Variants in ATP2B4 observed in about 807,000 individuals in gnomAD.
ATP2B4 encodes the protein plasma membrane calcium-transporting ATPase 4.
A neutral mutation model predicts 110.3 loss-of-function variants in ATP2B4; 39 were observed. The observed-to-expected ratio is 0.35, with a 90% CI of 0.27 to 0.46. The LOEUF (loss-of-function observed/expected upper bound fraction) is 0.46. ATP2B4 is among the 20% of genes least tolerant of loss of function. The pLI is 1.00. For synonymous variants in ATP2B4, 538 were observed against 571.7 expected, an observed-to-expected ratio of 0.94 and a Z score of 0.84; for missense variants, 1,135 against 1,530.9, an observed-to-expected ratio of 0.74 and a Z score of 4.32.
intron 9 of ATP2B4, 41 bp from the exon 10 acceptor site, chr1:203,707,821 A>G (rs1220039124): frequency 6.2e-7 from 1 of 1,608,142 alleles, no homozygotes; most frequent in South Asian, 1.1e-5. Context: ...AGGAGAGTCC[A>G]GTTAGTCCCC....
At chr1:203,658,435 G>A (rs1664231151) in intron 1 of ATP2B4, among the ~76,000 whole-genome samples, 1 of 151,714 alleles carries the variant, frequency 6.6e-6, no homozygotes, top group African/African-American at 2.4e-5. Context: ...GGAGACTGAG[G>A]TGGGAGGATC....
rs368740990 is a variant in ATP2B4, at chr1:203,724,006, C to T, written c.3132+18C>T. Reference sequence around the variant, plus strand: ...GGGGCCAGGTGAGTACCGGCACACCCTCCTGGTGCATTCTCACAGCCTGCA... The same window carrying T: ...GGGGCCAGGTGAGTACCGGCACACCTTCCTGGTGCATTCTCACAGCCTGCA... On this transcript the variant is annotated intron_variant, in intron 19 of 20. Coordinates refer to ENST00000357681, the MANE Select transcript of ATP2B4 (RefSeq NM_001684.5). 1 of 1,586,868 alleles carries T rather than the reference C, an allele frequency of 6.3e-7. No individual in the cohort carries two copies. The highest frequency in any genetic ancestry group is 1.4e-5 in the African/African-American group (1 of 73,912).
intron 1 of ATP2B4, among the ~76,000 whole-genome samples, chr1:203,651,045 G>A (rs1663976054): frequency 6.6e-6 from 1 of 152,108 alleles, no homozygotes; most frequent in Non-Finnish European, 1.5e-5. Flanking sequence ...AAAGTGCTGG[G>A]ATTACAGGCA....
intron 1 of ATP2B4, among the ~76,000 whole-genome samples, chr1:203,660,758 C>T (rs931137890): frequency 6.6e-6 from 1 of 151,662 alleles, no homozygotes; most frequent in Non-Finnish European, 1.5e-5. Context: ...AAGATCGCAC[C>T]ACTGCACTCC....
In ATP2B4 at chr1:203,734,448, C is replaced by T. The variant is rs117973935; in HGVS notation, c.3310-5098C>T. Among the ~76,000 whole-genome samples the T allele has an allele frequency of 7.5e-4, 114 of 152,312 alleles. No homozygotes were observed. In the East Asian group the frequency reaches 0.019, roughly 25 times the overall value. On this transcript the variant is annotated intron_variant, in intron 20 of 20. Transcript: ENST00000357681. ...TCTTGGCTGGGTGCTGTGGCTCACA[C>T]CTGTAATCCCAACTTTAGGAGGCCG...
chr1:203,662,131 C>T (rs570256216), intron 1 of ATP2B4, among the ~76,000 whole-genome samples: 276 of 152,096 alleles, frequency 1.8e-3, no homozygotes, highest in Non-Finnish European at 2.4e-3. Flanking sequence ...TCACACCATT[C>T]TCCTGCCTCA....
rs1485467604 is a variant in ATP2B4 at position 203,690,636 on chromosome 1, C to G, written c.193+7238C>G. On this transcript the variant is annotated intron_variant, in intron 2 of 20. Coordinates refer to ENST00000357681, the MANE Select transcript of ATP2B4 (RefSeq NM_001684.5). ...TCTGGAATATCAATTTTTAGGAGCTCCTCCACTTGAGGTTAGAAGCATAAC... is the reference window on the plus strand; with the variant it reads ...TCTGGAATATCAATTTTTAGGAGCTGCTCCACTTGAGGTTAGAAGCATAAC... 2.6e-5 allele frequency among the ~76,000 whole-genome samples: 4 copies of G among 152,084 alleles called. No individual in the cohort carries two copies. In the South Asian group the frequency reaches 8.3e-4, roughly 32 times the overall value.
At position 203,710,994 on chromosome 1, in the gene ATP2B4, C is replaced by T; in HGVS notation, c.1917C>T (p.Cys639=). 1 of 1,614,082 alleles carries T rather than the reference C, an allele frequency of 6.2e-7. No individual in the cohort carries two copies. The highest frequency in any genetic ancestry group is 8.5e-7 in the Non-Finnish European group (1 of 1,179,992). ...PMACDGLRTI[C]IAYRDFDDTE... is the part of the protein sequence containing the mutation. The stretch of plus-strand genomic sequence containing the variant: ...CCTGTGATGGACTCCGGACTATCTG[C>T]ATAGCTTACCGGGACTTCGATGACA... Residue 639 remains cysteine (C), a synonymous_variant, in exon 12 of 21, where the codon TGC becomes TGT. Coordinates refer to ENST00000357681, the MANE Select transcript of ATP2B4 (RefSeq NM_001684.5).
chr1:203,732,784 C>T (rs1666767863), intron 20 of ATP2B4, among the ~76,000 whole-genome samples: 1 of 149,472 alleles, frequency 6.7e-6, no homozygotes, highest in African/African-American at 2.5e-5. Flanking sequence ...CACTGCACTC[C>T]AGCCTGGGCG....
chr1:203,726,385 G>A (rs1666517322), intron 19 of ATP2B4, among the ~76,000 whole-genome samples: 2 of 150,954 alleles, frequency 1.3e-5, no homozygotes, highest in Admixed American at 1.3e-4. Context: ...ATTAATGTCT[G>A]ACCCAATTCC....
At chr1:203,675,198 G>C (rs539912824) in intron 1 of ATP2B4, among the ~76,000 whole-genome samples, 6 of 152,274 alleles carry the variant, frequency 3.9e-5, no homozygotes, top group African/African-American at 1.4e-4. Context: ...TAGCAGACCA[G>C]GTGATCAGGA....
At chr1:203,711,150 G>T (rs776937545) in intron 12 of ATP2B4, 42 bp downstream of exon 12, 1 of 1,578,626 alleles carries the variant, frequency 6.3e-7, no homozygotes, top group Admixed American at 1.7e-5. Context: ...AGGAAGTGGG[G>T]TACTAGTTCC....
intron 1 of ATP2B4, among the ~76,000 whole-genome samples, chr1:203,679,909 A>T (rs891469119): frequency 6.6e-6 from 1 of 151,862 alleles, no homozygotes; most frequent in Non-Finnish European, 1.5e-5. Flanking sequence ...AAAACACAAA[A>T]TATTAGCTGG....
intron 1 of ATP2B4, among the ~76,000 whole-genome samples, chr1:203,663,663 G>A (rs531334076): frequency 1.1e-4 from 16 of 151,682 alleles, no homozygotes; most frequent in African/African-American, 3.9e-4. Flanking sequence ...AGAGTGCAGT[G>A]GTGTGATCAT....
chr1:203,628,063 G>A (rs2102286742), intron 1 of ATP2B4, among the ~76,000 whole-genome samples: 1 of 152,314 alleles, frequency 6.6e-6, no homozygotes, highest in South Asian at 2.1e-4. Flanking sequence ...CGATGTCGAG[G>A]CTGGACACTG....
intron 20 of ATP2B4, among the ~76,000 whole-genome samples, chr1:203,738,718 A>T (rs1047820591): frequency 6.6e-6 from 1 of 152,208 alleles, no homozygotes; most frequent in Non-Finnish European, 1.5e-5. Flanking sequence ...TGTATCAGAG[A>T]CATGAACGTG....
chr1:203,715,247 C>T (rs1666127942), intron 15 of ATP2B4, among the ~76,000 whole-genome samples: 1 of 144,784 alleles, frequency 6.9e-6, no homozygotes, highest in Admixed American at 6.9e-5. Context: ...TGCACTCCAG[C>T]CTGGGTGACA....
In ATP2B4 at chr1:203,628,862, T is replaced by G. The variant is rs189785495; in HGVS notation, c.-465+1643T>G. ...AGCCCATGTGCTGAGTTACCCTCCT[T>G]GGCTGAGGGTGGTGGCTTGGGGAGC... is the stretch of plus-strand genomic sequence containing the variant. On this transcript the variant is annotated intron_variant, in intron 1 of 20. Coordinates refer to ENST00000357681, the MANE Select transcript of ATP2B4 (RefSeq NM_001684.5). 5.9e-5 allele frequency among the ~76,000 whole-genome samples: 9 copies of G among 152,058 alleles called. No individual in the cohort carries two copies. The East Asian group carries it at 1.6e-3, about 26-fold the overall frequency.
At chr1:203,725,619 G>A (rs749935150) in intron 19 of ATP2B4, among the ~76,000 whole-genome samples, 6 of 151,996 alleles carry the variant, frequency 3.9e-5, no homozygotes, top group Non-Finnish European at 7.4e-5. Context: ...AAACTATTAC[G>A]ATTATAATAG....
Sources: allele counts gnomAD v4.1 joint callset (sites outside exome capture counted in the v4.1 genomes callset), GRCh38; gene constraint gnomAD v4.1.1; transcripts MANE v1.5; gene names NCBI Gene and HGNC (gene_info 2026-07-23, HGNC 2026-07-21).